CCDC158: variants seen among roughly 807,000 people sequenced by gnomAD.
CCDC158 encodes the protein coiled-coil domain containing 158, also known as coiled-coil domain-containing protein 158.
In CCDC158, 116 loss-of-function variants were observed where a neutral mutation model predicts 138.6. The ratio of observed to expected loss-of-function variants is 0.84; its 90% confidence interval spans 0.72 to 0.98. The LOEUF is 0.98. Ranked by LOEUF, CCDC158 falls within the 50% of genes least tolerant of loss-of-function variation. The pLI is 0.00. For missense variants in CCDC158, 1,265 were observed against 1,306.1 expected (o/e 0.97, Z 0.48); for synonymous variants, 436 against 442.4 (o/e 0.99, Z 0.18).
At chr4:76,350,349 C>T (rs908045848) in intron 18 of CCDC158, among the ~76,000 whole-genome samples, 1 of 152,124 alleles carries the variant, frequency 6.6e-6, no homozygotes, top group African/African-American at 2.4e-5. Flanking sequence ...ACTGGTGATC[C>T]TGTTGCCATA....
At chr4:76,344,714 T>C (rs962632152) in intron 18 of CCDC158, 38 of 1,613,928 alleles carry the variant, frequency 2.4e-5, no homozygotes, top group Non-Finnish European at 3.1e-5. Context: ...ATGAAGACTT[T>C]GTGTGGCTAC....
At chr4:76,394,215 T>C (rs1475059016) in intron 4 of CCDC158, among the ~76,000 whole-genome samples, 2 of 152,140 alleles carry the variant, frequency 1.3e-5, no homozygotes, top group Non-Finnish European at 2.9e-5. Context: ...ATAGCCAAGA[T>C]TTGGAAGCAA....
At chr4:76,330,829 G>T (rs191877907) in intron 21 of CCDC158, among the ~76,000 whole-genome samples, 13 of 152,184 alleles carry the variant, frequency 8.5e-5, no homozygotes, top group African/African-American at 2.6e-4. Context: ...TCTCTGCAGG[G>T]GTCCTGGAAC....
At position 76,403,122 on chromosome 4, in the gene CCDC158, T is replaced by C; in HGVS notation, c.70+16A>G. Reference sequence around the variant, plus strand: ...ATTCTATTTTTTCCCCATTTTGTTTTATAAACAGCACATACCTCCATTAGA... The same window carrying C: ...ATTCTATTTTTTCCCCATTTTGTTTCATAAACAGCACATACCTCCATTAGA... On this transcript the variant is annotated intron_variant, in intron 3 of 24. Transcript: ENST00000682701. The C allele has an allele frequency of 6.4e-7, 1 of 1,571,476 alleles. No individual in the cohort carries two copies. The highest frequency in any genetic ancestry group is 1.8e-5 in the Admixed American group (1 of 56,580).
At chr4:76,346,678 C>T (rs1247678388) in intron 18 of CCDC158, among the ~76,000 whole-genome samples, 1 of 152,150 alleles carries the variant, frequency 6.6e-6, no homozygotes, top group Non-Finnish European at 1.5e-5. Context: ...TCACTGCACT[C>T]TAGACTGGTG....
chr4:76,356,822 T>C (rs1388819310), intron 14 of CCDC158: 1 of 152,192 alleles, frequency 6.6e-6, no homozygotes, highest in East Asian at 1.9e-4. Context: ...ATGTCAACAA[T>C]TATATGAATA....
intron 14 of CCDC158, 25 bp from the exon 15 acceptor site, chr4:76,355,461 A>C (rs1432746187): frequency 2.1e-6 from 3 of 1,439,412 alleles, no homozygotes; most frequent in Non-Finnish European, 2.9e-6. Flanking sequence ...GAGGCAAACT[A>C]TGCCTTAGGT....
chr4:76,328,371 G>C (rs1460273440), intron 22 of CCDC158, among the ~76,000 whole-genome samples: 2 of 152,386 alleles, frequency 1.3e-5, no homozygotes, highest in South Asian at 4.1e-4. Flanking sequence ...GGGTGACACA[G>C]TATGTGAGAA....
intron 12 of CCDC158, among the ~76,000 whole-genome samples, chr4:76,365,205 C>A (rs1724537997): frequency 6.6e-6 from 1 of 152,206 alleles, no homozygotes; most frequent in African/African-American, 2.4e-5. Flanking sequence ...TCTCTGCTGT[C>A]AATGTGTGCA....
At position 76,328,206 on chromosome 4, in the gene CCDC158, A is replaced by G. The variant is rs1720696673; in HGVS notation, c.3010+694T>C. Among the ~76,000 whole-genome samples, 3 of 152,068 alleles carry G rather than the reference A, an allele frequency of 2.0e-5. No individual in the cohort carries two copies. The South Asian group carries it at 6.2e-4, about 31-fold the overall frequency. On this transcript the variant is annotated intron_variant, in intron 22 of 24. Transcript: ENST00000682701. ...ATAATTCTTTGGAAATTTTATGGAGAGCTGTCCATCTTGATTCTTCTGCTT... is the reference window on the plus strand; with the variant it reads ...ATAATTCTTTGGAAATTTTATGGAGGGCTGTCCATCTTGATTCTTCTGCTT...
upstream of CCDC158, chr4:76,421,743 T>G (rs543960014): frequency 6.7e-6 from 1 of 148,590 alleles, no homozygotes; most frequent in Admixed American, 6.7e-5. Context: ...GAATTCACAT[T>G]TTGCAGCTCT....
chr4:76,408,461 T>A (rs1729019426), intron 2 of CCDC158, among the ~76,000 whole-genome samples: 1 of 152,094 alleles, frequency 6.6e-6, no homozygotes, highest in African/African-American at 2.4e-5. Flanking sequence ...CTTGTGATAG[T>A]TTGCTGAGAA....
At chr4:76,328,481 G>A (rs953377107) in intron 22 of CCDC158, among the ~76,000 whole-genome samples, 12 of 152,270 alleles carry the variant, frequency 7.9e-5, no homozygotes, top group African/African-American at 2.6e-4. Context: ...ACAGGGTTTC[G>A]CCATGTTGCC....
chr4:76,382,845 C>T (rs1454420516), intron 7 of CCDC158, 125 bp from the exon 8 acceptor site: 6 of 607,042 alleles, frequency 9.9e-6, no homozygotes, highest in African/African-American at 3.7e-5. Flanking sequence ...GTATATGCTA[C>T]TCTTTTAATA....
intron 2 of CCDC158, among the ~76,000 whole-genome samples, chr4:76,408,770 C>T (rs1411890470): frequency 1.3e-5 from 2 of 152,172 alleles, no homozygotes; most frequent in Non-Finnish European, 2.9e-5. Flanking sequence ...ACATTGTCTT[C>T]CACAATGGCT....
intron 15 of CCDC158, 56 bp downstream of exon 15, chr4:76,355,268 G>T: frequency 9.4e-7 from 1 of 1,069,400 alleles, no homozygotes; most frequent in Non-Finnish European, 1.5e-6. Flanking sequence ...ATTCTGCCTC[G>T]TGGTCTGCCT....
chr4:76,407,032 T>C (rs1728881341), intron 2 of CCDC158, among the ~76,000 whole-genome samples: 1 of 152,054 alleles, frequency 6.6e-6, no homozygotes, highest in South Asian at 2.1e-4. Context: ...AAAATCTTCA[T>C]TCTCTAAAAA....
At chr4:76,379,449 G>T in intron 8 of CCDC158, 45 bp from the exon 9 acceptor site, 1 of 1,181,474 alleles carries the variant, frequency 8.5e-7, no homozygotes, top group Non-Finnish European at 1.2e-6. Flanking sequence ...AGCAAACTAA[G>T]AATAAGAGTA....
chr4:76,323,447 A>C (rs1220021833), intron 23 of CCDC158, 38 bp from the exon 24 acceptor site: 1 of 1,430,940 alleles, frequency 7.0e-7, no homozygotes. Flanking sequence ...TTAAAAGTCT[A>C]CTCAACATTT....
Sources: allele counts gnomAD v4.1 joint callset (sites outside exome capture counted in the v4.1 genomes callset), GRCh38; gene constraint gnomAD v4.1.1; transcripts MANE v1.5; gene names NCBI Gene and HGNC (gene_info 2026-07-23, HGNC 2026-07-21).